GLIS3: variants seen among roughly 807,000 people sequenced by gnomAD.
GLIS3 encodes the protein zinc finger protein GLIS3.
GLIS3 carries 53 observed loss-of-function variants against 78.6 expected under a neutral mutation model. That is an observed-to-expected ratio of 0.67 (90% CI 0.54 to 0.85). The LOEUF is 0.85. Ranked by LOEUF, GLIS3 falls within the 40% of genes least tolerant of loss-of-function variation. GLIS3 has a pLI of 0.00. For missense variants in GLIS3, 1,703 were observed against 1,231.1 expected, an observed-to-expected ratio of 1.38 and a Z score of -5.74; for synonymous variants, 684 against 509.9, an observed-to-expected ratio of 1.34 and a Z score of -4.60.
Position 4,059,829 on chromosome 9 carries a change from T to TGTGTGTGTGTGTGTGTGAGAGA in GLIS3, c.1710+57938_1710+57939insTCTCTCACACACACACACACAC. Among the ~76,000 whole-genome samples, 147 of 100,702 alleles carry TGTGTGTGTGTGTGTGTGAGAGA rather than the reference T, an allele frequency of 1.5e-3. 1 individual carries two copies. The highest frequency in any genetic ancestry group is 3.0e-3 in the East Asian group (9 of 3,012). The allele number at this position is 100,702 out of a possible 152,430, so 66.1% of individuals were successfully genotyped here. ...TTGTGTGTGTGTGTGTGTGTGTGTG[T>TGTGTGTGTGTGTGTGTGAGAGA]GAGAGAGAGAGAGAGAGAGAGAGAG... is the stretch of plus-strand genomic sequence containing the variant. On this transcript the variant is annotated intron_variant, in intron 4 of 10. Coordinates refer to ENST00000381971, the MANE Select transcript of GLIS3 (RefSeq NM_001042413.2).
At chr9:4,260,566 C>CA (rs372293678) in intron 2 of GLIS3, among the ~76,000 whole-genome samples, 61,382 of 116,610 alleles carry the variant, frequency 0.53, 15,073 homozygotes, top group Non-Finnish European at 0.57. Flanking sequence ...GACTCTGTCT[C>CA]AAAAAAAAAA....
intron 2 of GLIS3, among the ~76,000 whole-genome samples, chr9:4,254,226 C>G (rs1193415194): frequency 2.0e-5 from 3 of 152,192 alleles, no homozygotes; most frequent in Non-Finnish European, 4.4e-5. Flanking sequence ...TTAATAACCT[C>G]TATTAGTAAA....
chr9:4,385,540 C>T, the GLIS3 span, among the ~76,000 whole-genome samples: 2 of 151,670 alleles, frequency 1.3e-5, no homozygotes, highest in East Asian at 1.9e-4. Context: ...TGATGGGCAC[C>T]TGTAATCCCA....
intron 2 of GLIS3, among the ~76,000 whole-genome samples, chr9:4,238,028 C>T (rs764016709): frequency 5.3e-5 from 8 of 152,110 alleles, no homozygotes; most frequent in Non-Finnish European, 1.2e-4. Flanking sequence ...TGTTCTAGAC[C>T]AGAAATTTTC....
intron 2 of GLIS3, among the ~76,000 whole-genome samples, chr9:4,241,866 T>C (rs1345454716): frequency 6.6e-6 from 1 of 152,120 alleles, no homozygotes; most frequent in Admixed American, 6.5e-5. Flanking sequence ...TATTTTTATG[T>C]AGAGACGGGG....
intron 4 of GLIS3, among the ~76,000 whole-genome samples, chr9:4,053,400 C>T (rs74872476): frequency 6.6e-6 from 1 of 152,076 alleles, no homozygotes; most frequent in Non-Finnish European, 1.5e-5. Context: ...CTCCTCCCAC[C>T]CCAGGCACTT....
chr9:4,112,144 A>T (rs928842278), intron 4 of GLIS3, among the ~76,000 whole-genome samples: 3 of 152,214 alleles, frequency 2.0e-5, no homozygotes, highest in African/African-American at 4.8e-5. Context: ...GCAACAATGT[A>T]TACATGGTTC....
At chr9:4,225,492 C>G (rs1252343873) in intron 2 of GLIS3, among the ~76,000 whole-genome samples, 1 of 152,086 alleles carries the variant, frequency 6.6e-6, no homozygotes, top group Non-Finnish European at 1.5e-5. Flanking sequence ...TGCAACCTAA[C>G]GAGGAACATA....
At chr9:4,450,140 G>C in the GLIS3 span, among the ~76,000 whole-genome samples, 1 of 152,166 alleles carries the variant, frequency 6.6e-6, no homozygotes, top group Non-Finnish European at 1.5e-5. Context: ...AAACAGTGTA[G>C]AGAAGACCTT....
At chr9:4,293,931 C>T (rs1339264331) in intron 1 of GLIS3, among the ~76,000 whole-genome samples, 1 of 152,248 alleles carries the variant, frequency 6.6e-6, no homozygotes, top group Non-Finnish European at 1.5e-5. Flanking sequence ...CCCTCAGCTA[C>T]TGAGAACCTC....
At chr9:4,254,064 C>T (rs535544524) in intron 2 of GLIS3, among the ~76,000 whole-genome samples, 18 of 152,190 alleles carry the variant, frequency 1.2e-4, no homozygotes, top group Non-Finnish European at 2.2e-4. Context: ...TGCCAGCCAC[C>T]TCGAGGAAGA....
chr9:4,063,425 G>A (rs982755349), intron 4 of GLIS3, among the ~76,000 whole-genome samples: 2 of 151,852 alleles, frequency 1.3e-5, no homozygotes, highest in African/African-American at 4.8e-5. Context: ...CTTACCCTAG[G>A]AATGAATGAT....
intron 4 of GLIS3, among the ~76,000 whole-genome samples, chr9:3,973,141 G>A (rs894172769): frequency 1.3e-5 from 2 of 152,128 alleles, no homozygotes; most frequent in South Asian, 2.1e-4. Context: ...GAGATGCATA[G>A]GGCAAGTCTG....
At chr9:3,865,345 A>T (rs141545346) in intron 8 of GLIS3, among the ~76,000 whole-genome samples, 6 of 152,338 alleles carry the variant, frequency 3.9e-5, no homozygotes, top group Admixed American at 2.0e-4. Flanking sequence ...GGAAAAGACC[A>T]TGAAGATTTC....
intron 2 of GLIS3, among the ~76,000 whole-genome samples, chr9:4,128,261 C>T (rs769941373): frequency 6.6e-6 from 1 of 152,234 alleles, no homozygotes; most frequent in African/African-American, 2.4e-5. Flanking sequence ...ACCTGTTAGG[C>T]AGATCTGACC....
the GLIS3 span, among the ~76,000 whole-genome samples, chr9:4,422,421 G>T: frequency 6.6e-6 from 1 of 152,318 alleles, no homozygotes; most frequent in African/African-American, 2.4e-5. Flanking sequence ...AAAAGTCCAT[G>T]TATGTGAGAT....
At position 4,280,908 on chromosome 9, in the gene GLIS3, T is replaced by C. The variant is rs1827484819; in HGVS notation, c.388+5130A>G. On this transcript the variant is annotated intron_variant, in intron 2 of 10. Coordinates refer to ENST00000381971, the MANE Select transcript of GLIS3 (RefSeq NM_001042413.2). ...ACCTACTGCAGTCTTCTCTGTATAA[T>C]AAAAATAAACTCCTACAACAAAAGT... Among the ~76,000 whole-genome samples, 3 of 152,088 alleles carry C rather than the reference T, an allele frequency of 2.0e-5. No homozygotes were observed. In the South Asian group the frequency reaches 6.2e-4, roughly 32 times the overall value.
intron 2 of GLIS3, among the ~76,000 whole-genome samples, chr9:4,215,645 C>A (rs538918752): frequency 1.8e-4 from 28 of 152,302 alleles, no homozygotes; most frequent in African/African-American, 6.7e-4. Flanking sequence ...GATTCAATTC[C>A]CATGCAATGA....
Position 4,320,965 on chromosome 9 carries a change from G to A in GLIS3, n.265-10437C>T, listed in dbSNP as rs549854302. ...TTTTTCAATGGCTCCCACAGCTCTC[G>A]AGATACAAAGAACGTTGCTTGAGAA... On this transcript the variant is annotated intron_variant and non_coding_transcript_variant, in intron 2 of 4. Transcript: ENST00000471664. Among the ~76,000 whole-genome samples the A allele has an allele frequency of 3.3e-5, 5 of 151,968 alleles. No homozygotes were observed. The South Asian group carries it at 8.3e-4, about 25-fold the overall frequency.
Sources: allele counts gnomAD v4.1 joint callset (sites outside exome capture counted in the v4.1 genomes callset), GRCh38; gene constraint gnomAD v4.1.1; transcripts MANE v1.5; gene names NCBI Gene and HGNC (gene_info 2026-07-23, HGNC 2026-07-21).